NR5A2: variants seen among roughly 807,000 people sequenced by gnomAD.
The protein encoded by NR5A2 is CYP7A promoter-binding factor.
A neutral mutation model predicts 62.7 loss-of-function variants in NR5A2; 26 were observed. The ratio of observed to expected loss-of-function variants is 0.41; its 90% CI spans 0.30 to 0.58. NR5A2 has a LOEUF of 0.58. Ranked by LOEUF, NR5A2 falls within the 20% of genes least tolerant of loss-of-function variation. The pLI is 0.22. For missense variants in NR5A2, 541 were observed against 669.1 expected (o/e 0.81, Z 2.11); for synonymous variants, 246 against 241.7 (o/e 1.02, Z -0.16).
At chr1:200,040,798 G>A (rs894692035) in intron 2 of NR5A2, among the ~76,000 whole-genome samples, 2 of 152,264 alleles carry the variant, frequency 1.3e-5, no homozygotes, top group South Asian at 2.1e-4. Flanking sequence ...TGCTGAGTGG[G>A]CGGCGCGCCC....
chr1:200,039,725 A>C lies in NR5A2; in HGVS notation c.132A>C (p.Lys44Asn). The change falls in exon 2 of 8, where the codon AAA becomes AAC. Residue 44 changes from lysine (K) to asparagine (N), a missense_variant. Around this residue, in one of 3 missense-constraint regions of NR5A2, gnomAD observed 108 missense variants for 103.3 expected, o/e 1.05. Coordinates refer to ENST00000367362, the MANE Select transcript of NR5A2 (RefSeq NM_205860.3). This position sits in a 1 kb window ranked among gnomAD's most constrained non-coding sequence, Gnocchi z 5.1. ...PARGRLVMLP[K>N]VETEALGLAR... Reference sequence around the variant, plus strand: ...GCGGTCGCCTTGTCATGCTGCCCAAAGTGGAGACGGAAGCCCTGGGACTGG... The same window carrying C: ...GCGGTCGCCTTGTCATGCTGCCCAACGTGGAGACGGAAGCCCTGGGACTGG... 2 of 1,611,840 alleles carry C rather than the reference A, an allele frequency of 1.2e-6. No individual in the cohort carries two copies. Among genetic ancestry groups the C allele is most frequent in the Non-Finnish European group, 1.7e-6 (2 of 1,178,996 alleles).
intron 5 of NR5A2, among the ~76,000 whole-genome samples, chr1:200,110,897 A>G (rs1297168911): frequency 6.6e-6 from 1 of 152,150 alleles, no homozygotes; most frequent in Non-Finnish European, 1.5e-5. Flanking sequence ...ACCTAACTCT[A>G]ATAGCTCTAT....
intron 5 of NR5A2, among the ~76,000 whole-genome samples, chr1:200,098,652 T>A (rs1323485582): frequency 6.6e-6 from 1 of 151,962 alleles, no homozygotes; most frequent in Non-Finnish European, 1.5e-5. Flanking sequence ...AATGATGTAG[T>A]TGAACGAAAT....
chr1:200,130,499 C>G (rs1666927803), intron 7 of NR5A2, among the ~76,000 whole-genome samples: 1 of 152,150 alleles, frequency 6.6e-6, no homozygotes, highest in Non-Finnish European at 1.5e-5. Context: ...CTGTTCTTAT[C>G]CCTTAGTTGA....
intron 5 of NR5A2, among the ~76,000 whole-genome samples, chr1:200,050,202 A>G (rs899223982): frequency 6.6e-6 from 1 of 152,224 alleles, no homozygotes; most frequent in Non-Finnish European, 1.5e-5. Context: ...TCATGAAAAA[A>G]CAAACCATGC....
At chr1:200,107,790 C>T (rs545446015) in intron 5 of NR5A2, among the ~76,000 whole-genome samples, 1 of 152,140 alleles carries the variant, frequency 6.6e-6, no homozygotes, top group South Asian at 2.1e-4. Flanking sequence ...CAGGCGCCTG[C>T]CACCAGACCT....
At chr1:200,082,807 C>T (rs1045047938) in intron 5 of NR5A2, among the ~76,000 whole-genome samples, 2 of 152,050 alleles carry the variant, frequency 1.3e-5, no homozygotes, top group Non-Finnish European at 2.9e-5. Context: ...GTGTAAAGCC[C>T]TCAAAACACC....
chr1:200,077,543 G>A (rs575024344), intron 5 of NR5A2, among the ~76,000 whole-genome samples: 20 of 152,222 alleles, frequency 1.3e-4, no homozygotes, highest in East Asian at 1.2e-3. Flanking sequence ...GTGAAACCTC[G>A]TCTCTGCTAA....
intron 6 of NR5A2, among the ~76,000 whole-genome samples, chr1:200,111,832 G>T (rs189015761): frequency 2.3e-4 from 33 of 145,596 alleles, no homozygotes; most frequent in Admixed American, 4.7e-4. Context: ...GAAAGATAGA[G>T]AGAATAAAAT....
At chr1:200,085,381 T>C (rs988945526) in intron 5 of NR5A2, among the ~76,000 whole-genome samples, 1 of 152,206 alleles carries the variant, frequency 6.6e-6, no homozygotes, top group African/African-American at 2.4e-5. Flanking sequence ...CACAAGGCAC[T>C]GGCTATACAG....
intron 7 of NR5A2, among the ~76,000 whole-genome samples, chr1:200,170,923 A>T (rs1055770219): frequency 3.9e-5 from 6 of 152,238 alleles, no homozygotes; most frequent in African/African-American, 1.4e-4. Context: ...ATAATTTAAC[A>T]GGTCAAATTC....
intron 5 of NR5A2, among the ~76,000 whole-genome samples, chr1:200,082,293 A>G (rs1664332710): frequency 6.6e-6 from 1 of 152,250 alleles, no homozygotes; most frequent in Non-Finnish European, 1.5e-5. Flanking sequence ...AAAGATGAAT[A>G]GGTTTACATT....
intron 7 of NR5A2, among the ~76,000 whole-genome samples, chr1:200,171,577 C>T (rs1047104563): frequency 8.6e-5 from 13 of 152,000 alleles, no homozygotes; most frequent in African/African-American, 2.9e-4. Flanking sequence ...GGTGAAACCC[C>T]ATCTCTACTA....
In NR5A2 at chr1:200,165,243, C is replaced by T. The variant is rs1388146235; in HGVS notation, c.1379-8720C>T. On this transcript the variant is annotated intron_variant, in intron 7 of 7. Transcript: ENST00000367362. ...ACAGAGACTCCCCACATAACCCCTG[C>T]CCCGCTACTGTCAGCATTCCCCTAC... Among the ~76,000 whole-genome samples the T allele has an allele frequency of 2.0e-5, 3 of 151,962 alleles. No individual in the cohort carries two copies. In the East Asian group the frequency reaches 5.8e-4, roughly 29 times the overall value.
intron 5 of NR5A2, among the ~76,000 whole-genome samples, chr1:200,065,236 T>A (rs1663413568): frequency 6.6e-6 from 1 of 152,190 alleles, no homozygotes; most frequent in Non-Finnish European, 1.5e-5. Context: ...AACCTCTGCC[T>A]GGGTTCAAGT....
intron 5 of NR5A2, among the ~76,000 whole-genome samples, chr1:200,071,465 A>G (rs1006844728): frequency 4.6e-5 from 7 of 152,222 alleles, no homozygotes; most frequent in African/African-American, 1.7e-4. Context: ...TTAAAACAAC[A>G]ACAGTGCCCA....
chr1:200,074,995 G>A (rs115214303), intron 5 of NR5A2, among the ~76,000 whole-genome samples: 2,945 of 152,100 alleles, frequency 0.019, 39 homozygotes, highest in East Asian at 0.05. Context: ...TAAACTATAT[G>A]TGTATTCTGG....
chr1:200,153,752 TCTTA>T (rs1254274290), intron 7 of NR5A2, among the ~76,000 whole-genome samples: 3 of 152,056 alleles, frequency 2.0e-5, no homozygotes, highest in African/African-American at 4.8e-5. Flanking sequence ...TTACTTTGTT[TCTTA>T]CTTTAGGTAA....
rs753479628 is a variant in NR5A2 at position 200,144,227 on chromosome 1, TCTCTCTCACA to T, written c.1378+23274_1378+23283del. Among the ~76,000 whole-genome samples, 312 of 76,532 alleles carry T rather than the reference TCTCTCTCACA, an allele frequency of 4.1e-3. 1 individual carries two copies. Among genetic ancestry groups the T allele is most frequent in the African/African-American group, 6.3e-3 (105 of 16,770 alleles). The allele number at this position is 76,532 out of a possible 152,430, so 50.2% of individuals were successfully genotyped here. On this transcript the variant is annotated intron_variant, in intron 7 of 7. Coordinates refer to ENST00000367362, the MANE Select transcript of NR5A2 (RefSeq NM_205860.3). ...TCCCAGCACTGTTTCTCTCTCTCTC[TCTCTCTCACA>T]CACACACACACACACACACACACAC...
Sources: gnomAD v4.1 joint callset for allele counts (sites outside exome capture counted in the v4.1 genomes callset) on GRCh38, gnomAD v4.1.1 for gene constraint, gnomAD v4.1.1 regional missense constraint, Gnocchi (gnomAD v3.1) non-coding constraint, MANE v1.5 for transcripts, NCBI Gene and HGNC (gene_info 2026-07-23, HGNC 2026-07-21) for gene names.